The following CACNB3 variants were observed in gnomAD, a reference collection of about 807,000 sequenced individuals.
The protein encoded by CACNB3 is voltage-dependent L-type calcium channel subunit beta-3.
Under a neutral mutation model 63.7 loss-of-function variants are expected in CACNB3, and 36 were observed. That is an observed-to-expected ratio of 0.57 (90% CI 0.43 to 0.75). CACNB3 has a LOEUF of 0.75. Among genes scored for constraint, CACNB3 ranks in the 30% least tolerant of loss-of-function variants. The probability of loss-of-function intolerance (pLI) is 0.00; values close to 1 mark genes in which losing one functional copy is unlikely to be tolerated. For synonymous variants in CACNB3, 241 were observed against 250.6 expected (o/e 0.96, Z 0.36); for missense variants, 493 against 648.6 (o/e 0.76, Z 2.61).
rs1565672101 is a variant in CACNB3 at position 48,827,947 on chromosome 12, G to T, written c.*48G>T. 4 of 1,519,318 alleles carry T rather than the reference G, an allele frequency of 2.6e-6. No individual in the cohort carries two copies. The African/African-American group carries it at 4.1e-5, about 16-fold the overall frequency. The allele number at this position is 1,519,318 out of a possible 1,614,324, so 94.1% of individuals were successfully genotyped here. ...GGCAGGCACAGGCGCAGCTGGCTGG[G>T]GGGCCCACTCCAGGCAGGGTGGCGT... On this transcript the variant is annotated 3_prime_UTR_variant, in exon 13 of 13. Transcript: ENST00000301050.
upstream of CACNB3, chr12:48,815,544 G>A (rs548525353): frequency 2.7e-6 from 4 of 1,498,512 alleles, no homozygotes; most frequent in South Asian, 3.9e-5. Context: ...AGGGGAGAGG[G>A]AAGGGAGCAG....
In CACNB3 at chr12:48,824,599, T is replaced by A. The variant is rs1021811442; in HGVS notation, c.408-70T>A. The A allele has an allele frequency of 9.4e-6, 13 of 1,386,696 alleles. No homozygotes were observed. The South Asian group carries it at 1.4e-4, about 15-fold the overall frequency. 85.9% of individuals were successfully genotyped at this position (1,386,696 alleles called of 1,614,324 possible). On this transcript the variant is annotated intron_variant, in intron 4 of 12. Transcript: ENST00000301050. ...TATGGAATTGTGTACAATTATTAAA[T>A]AATGCATAGAACATACATACACAGA...
Position 48,823,862 on chromosome 12 carries a change from A to G in CACNB3, c.291+59A>G. 1 of 1,606,766 alleles carries G rather than the reference A, an allele frequency of 6.2e-7. No individual in the cohort carries two copies. The highest frequency in any genetic ancestry group is 8.5e-7 in the Non-Finnish European group (1 of 1,175,702). ...CTTCATTTTCTTGCTCTTGCTCCAGATCCTAATGCTTCTGACTTGAATCCT... is the reference window on the plus strand; with the variant it reads ...CTTCATTTTCTTGCTCTTGCTCCAGGTCCTAATGCTTCTGACTTGAATCCT... On this transcript the variant is annotated intron_variant, in intron 3 of 12. Transcript: ENST00000301050. The surrounding 1 kb of genome is among the most constrained non-coding windows in gnomAD (Gnocchi z 4.2).
Position 48,824,667 on chromosome 12 carries a change from A to C in CACNB3, c.408-2A>C. 6.2e-7 allele frequency: 1 copy of C among 1,612,948 alleles called. No homozygotes were observed. Among genetic ancestry groups the C allele is most frequent in the East Asian group, 2.2e-5 (1 of 44,840 alleles). ...CTCTCTTTCACCTCCCTTTCTTCTC[A>C]GGAGATCTGGGAACCCTTCCAGCCT... On this transcript the variant is annotated splice_acceptor_variant, in intron 4 of 12. Coordinates refer to ENST00000301050, the MANE Select transcript of CACNB3 (RefSeq NM_000725.4). LOFTEE classifies it high-confidence loss of function.
chr12:48,818,813 C>A lies in CACNB3; in HGVS notation c.-117C>A, dbSNP rs1373724612. ...TTCGCGCTCTCTCGCTCCCTGCCGC[C>A]GCCCGCAGGGCTGCGGGGCTCGGTG... On this transcript the variant is annotated 5_prime_UTR_variant, in exon 1 of 13. Transcript: ENST00000301050. The surrounding 1 kb of genome is among the most constrained non-coding windows in gnomAD (Gnocchi z 4.3). The A allele has an allele frequency of 6.6e-6, 9 of 1,369,196 alleles. No homozygotes were observed. The highest frequency in any genetic ancestry group is 5.6e-6 in the Non-Finnish European group (6 of 1,062,554). The allele number at this position is 1,369,196 out of a possible 1,614,324, so 84.8% of individuals were successfully genotyped here.
upstream of CACNB3, chr12:48,815,755 T>A: frequency 2.0e-6 from 1 of 506,986 alleles, no homozygotes; most frequent in Non-Finnish European, 3.2e-6. Flanking sequence ...TGTGGGGTCG[T>A]GGGAAGGGGG....
rs542181784 is a variant in CACNB3 at position 48,828,387 on chromosome 12, C to T, written c.*488C>T. 7.9e-5 allele frequency: 26 copies of T among 328,152 alleles called. No individual in the cohort carries two copies. Among genetic ancestry groups the T allele is most frequent in the African/African-American group, 5.6e-4 (26 of 46,560 alleles). 20.3% of individuals were successfully genotyped at this position (328,152 alleles called of 1,614,324 possible). ...GGCCTCCAGTCACCTCACTGCCATACATTAGAAATGAGACAATCAAAGCCC... is the reference window on the plus strand; with the variant it reads ...GGCCTCCAGTCACCTCACTGCCATATATTAGAAATGAGACAATCAAAGCCC... On this transcript the variant is annotated 3_prime_UTR_variant, in exon 13 of 13. Coordinates refer to ENST00000301050, the MANE Select transcript of CACNB3 (RefSeq NM_000725.4).
Position 48,826,987 on chromosome 12 carries a change from T to C in CACNB3, c.1004T>C (p.Val335Ala). ...LVQCPPESFD[V>A]ILDENQLEDA... ...CCCCCTCCCCAGGAGTCATTTGATG[T>C]GATTCTGGATGAGAACCAGCTGGAG... Residue 335 changes from valine to alanine, a missense_variant, in exon 12 of 13, where the codon GTG becomes GCG. Transcript: ENST00000301050. This position sits in a 1 kb window ranked among gnomAD's most constrained non-coding sequence, Gnocchi z 4.8. The C allele has an allele frequency of 6.2e-7, 1 of 1,614,096 alleles. No homozygotes were observed. The highest frequency in any genetic ancestry group is 8.5e-7 in the Non-Finnish European group (1 of 1,180,024).
intron 3 of CACNB3, 65 bp from the exon 4 acceptor site, chr12:48,824,193 T>A: frequency 7.4e-7 from 1 of 1,346,524 alleles, no homozygotes; most frequent in Non-Finnish European, 1.0e-6. Context: ...CTCCTTCACA[T>A]TGAAGAGCCA....
Position 48,818,767 on chromosome 12 carries a change from TCTTCGCGGCTCGCTCCCTC to T in CACNB3, c.-155_-137del, listed in dbSNP as rs1361071343. On this transcript the variant is annotated 5_prime_UTR_variant, in exon 1 of 13. Coordinates refer to ENST00000301050, the MANE Select transcript of CACNB3 (RefSeq NM_000725.4). The surrounding 1 kb of genome is among the most constrained non-coding windows in gnomAD (Gnocchi z 4.3). ...GGTGATCTGAGCTCCGAGCAGCTGG[TCTTCGCGGCTCGCTCCCTC>T]CTTCGCGCTCTCTCGCTCCCTGCCG... The T allele has an allele frequency of 8.2e-6, 11 of 1,342,546 alleles. No homozygotes were observed. Among genetic ancestry groups the T allele is most frequent in the Non-Finnish European group, 1.1e-5 (11 of 1,047,138 alleles). The allele number at this position is 1,342,546 out of a possible 1,614,324, so 83.2% of individuals were successfully genotyped here.
At position 48,823,532 on chromosome 12, in the gene CACNB3, A is replaced by G; in HGVS notation, c.168+66A>G. ...AGGTGGAAACCTGCACTCGGTCCTA[A>G]GTCCCAAGGGGTCCTTGGGCAGGAT... On this transcript the variant is annotated intron_variant, in intron 2 of 12. Coordinates refer to ENST00000301050, the MANE Select transcript of CACNB3 (RefSeq NM_000725.4). This position sits in a 1 kb window ranked among gnomAD's most constrained non-coding sequence, Gnocchi z 4.2. The G allele has an allele frequency of 6.3e-7, 1 of 1,599,708 alleles. No homozygotes were observed.
chr12:48,822,134 C>A (rs970636407), intron 1 of CACNB3, among the ~76,000 whole-genome samples: 27 of 152,312 alleles, frequency 1.8e-4, no homozygotes, highest in African/African-American at 6.5e-4. Flanking sequence ...CACACACACA[C>A]TCCTGCATGA....
Position 48,828,282 on chromosome 12 carries a change from G to A in CACNB3, c.*383G>A, listed in dbSNP as rs890871021. 1.2e-5 allele frequency: 4 copies of A among 324,072 alleles called. No homozygotes were observed. The highest frequency in any genetic ancestry group is 6.0e-6 in the Non-Finnish European group (1 of 168,024). 20.1% of individuals were successfully genotyped at this position (324,072 alleles called of 1,614,324 possible). A position where few individuals can be genotyped will look rare whatever the true frequency, so the allele number is the denominator to read the frequency against. ...TTAAAGTGACAAAAGGGTGGGGTGT[G>A]GGCACCATGGCATGAGGAAGAAACA... On this transcript the variant is annotated 3_prime_UTR_variant, in exon 13 of 13. Coordinates refer to ENST00000301050, the MANE Select transcript of CACNB3 (RefSeq NM_000725.4).
At chr12:48,824,170 A>C (rs1196279790) in intron 3 of CACNB3, 88 bp from the exon 4 acceptor site, 5 of 1,091,248 alleles carry the variant, frequency 4.6e-6, no homozygotes, top group Non-Finnish European at 5.3e-6. Flanking sequence ...CAGCTCAGTG[A>C]CTGCCTCGCT....
rs775726170 is a variant in CACNB3, at chr12:48,827,542, G to A, written c.1141-43G>A. Reference sequence around the variant, plus strand: ...CTCGCACCTCACCAGAAGACAAGGTGAGGTCTGTACTGCCTCACTGAGAGC... The same window carrying A: ...CTCGCACCTCACCAGAAGACAAGGTAAGGTCTGTACTGCCTCACTGAGAGC... On this transcript the variant is annotated intron_variant, in intron 12 of 12. Coordinates refer to ENST00000301050, the MANE Select transcript of CACNB3 (RefSeq NM_000725.4). 7 of 1,556,578 alleles carry A rather than the reference G, an allele frequency of 4.5e-6. No individual in the cohort carries two copies. In the East Asian group the frequency reaches 1.6e-4, roughly 35 times the overall value.
Position 48,825,144 on chromosome 12 carries a change from C to T in CACNB3, c.493-19C>T, listed in dbSNP as rs764404281. 6.5e-5 allele frequency: 104 copies of T among 1,612,268 alleles called. No individual in the cohort carries two copies. The East Asian group carries it at 2.3e-3, about 35-fold the overall frequency. ...GCACCAGGGCCATGGTTTCTACTGACCTCATGTCCATTCTGCAGGCGGAAC... is the reference window on the plus strand; with the variant it reads ...GCACCAGGGCCATGGTTTCTACTGATCTCATGTCCATTCTGCAGGCGGAAC... On this transcript the variant is annotated intron_variant, in intron 6 of 12. Transcript: ENST00000301050. This position sits in a 1 kb window ranked among gnomAD's most constrained non-coding sequence, Gnocchi z 4.5.
At position 48,824,739 on chromosome 12, in the gene CACNB3, C is replaced by T. The variant is rs1199262467; in HGVS notation, c.472+6C>T. On this transcript the variant is annotated splice_donor_region_variant and intron_variant, in intron 5 of 12. Coordinates refer to ENST00000301050, the MANE Select transcript of CACNB3 (RefSeq NM_000725.4). ...CTCCCCTCCGCCATCTCTAGGTAGC[C>T]TCCCCCCAACCCACCCATTTTGGGT... 4 of 1,613,420 alleles carry T rather than the reference C, an allele frequency of 2.5e-6. No homozygotes were observed. The highest frequency in any genetic ancestry group is 2.7e-5 in the African/African-American group (2 of 74,744).
At position 48,828,598 on chromosome 12, in the gene CACNB3, GC is replaced by G; in HGVS notation, c.*701del. ...GACCAGGGACCAGGAGCATGGTGAA[GC>G]CAAGTGGCAGATGGGAGCCAACCTG... is the stretch of plus-strand genomic sequence containing the variant. On this transcript the variant is annotated 3_prime_UTR_variant, in exon 13 of 13. Transcript: ENST00000301050. The G allele has an allele frequency of 2.2e-6, 1 of 449,726 alleles. No individual in the cohort carries two copies. Among genetic ancestry groups the G allele is most frequent in the South Asian group, 1.6e-5 (1 of 63,666 alleles). 27.9% of individuals were successfully genotyped at this position (449,726 alleles called of 1,614,324 possible). A position where few individuals can be genotyped will look rare whatever the true frequency, so the allele number is the denominator to read the frequency against.
intron 1 of CACNB3, among the ~76,000 whole-genome samples, chr12:48,822,418 G>A (rs117962372): frequency 0.017 from 2,581 of 152,150 alleles, 25 homozygotes; most frequent in Non-Finnish European, 0.028. Context: ...CTTTCCTATG[G>A]GCAGGACTCA....
Sources: allele counts gnomAD v4.1 joint callset (sites outside exome capture counted in the v4.1 genomes callset), GRCh38; gene constraint gnomAD v4.1.1; non-coding constraint Gnocchi (gnomAD v3.1); transcripts MANE v1.5; gene names NCBI Gene and HGNC (gene_info 2026-07-23, HGNC 2026-07-21).